The following SRGAP2B variants were observed in gnomAD, a reference collection of about 807,000 sequenced individuals.
The protein encoded by SRGAP2B is SLIT-ROBO Rho GTPase activating protein 2B, also known as SLIT-ROBO Rho GTPase-activating protein 2B.
In SRGAP2B, 9 loss-of-function variants were observed where a neutral mutation model predicts 22.2. The observed-to-expected ratio is 0.41, with a 90% CI of 0.24 to 0.71. The LOEUF (loss-of-function observed/expected upper bound fraction) is 0.71. SRGAP2B is among the 30% of genes least tolerant of loss of function. SRGAP2B has a pLI of 0.35. For missense variants in SRGAP2B, 114 were observed against 235.8 expected, an observed-to-expected ratio of 0.48 and a Z score of 3.38; for synonymous variants, 36 against 87.4, an observed-to-expected ratio of 0.41 and a Z score of 3.28.
intron 7 of SRGAP2B, among the ~76,000 whole-genome samples, chr1:144,902,697 G>A (rs1662723078): frequency 6.8e-6 from 1 of 146,138 alleles, no homozygotes; most frequent in South Asian, 2.2e-4. Flanking sequence ...GGGAGGCGGA[G>A]CTTGCAGTGA....
rs868938916 is a variant in SRGAP2B at position 144,931,733 on chromosome 1, G to A, written c.424-16979C>T. Among the ~76,000 whole-genome samples, 73 of 147,828 alleles carry A rather than the reference G, an allele frequency of 4.9e-4. 2 individuals carry two copies. In the South Asian group the frequency reaches 5.8e-3, roughly 12 times the overall value. ...CACCACGCACCCTGGCCACAGTGCA[G>A]ATGGAACTCAGCCAAGGGGTTACCC... On this transcript the variant is annotated intron_variant, in intron 4 of 9. Coordinates refer to ENST00000612199, the Ensembl canonical transcript of SRGAP2B.
At chr1:145,003,018 G>C (rs1671312138) in intron 2 of SRGAP2B, among the ~76,000 whole-genome samples, 1 of 151,834 alleles carries the variant, frequency 6.6e-6, no homozygotes, top group Non-Finnish European at 1.5e-5. Context: ...CACGAGGTCA[G>C]GAGTTTGAGA....
rs587662989 is a variant in SRGAP2B at position 144,970,215 on chromosome 1, T to C, written c.261-14614A>G. ...ATGCACACGTATGTTTATTGCGGCA[T>C]TATTCACAATAGCAAAGACTTGGAA... On this transcript the variant is annotated intron_variant, in intron 3 of 9. Coordinates refer to ENST00000612199, the Ensembl canonical transcript of SRGAP2B. Among the ~76,000 whole-genome samples the C allele has an allele frequency of 2.9e-3, 395 of 134,046 alleles. 6 individuals carry two copies. The highest frequency in any genetic ancestry group is 0.011 in the African/African-American group (355 of 32,730). The allele number at this position is 134,046 out of a possible 152,430, so 87.9% of individuals were successfully genotyped here.
At chr1:144,923,519 A>ACAGG (rs1664410074) in intron 4 of SRGAP2B, among the ~76,000 whole-genome samples, 1 of 149,048 alleles carries the variant, frequency 6.7e-6, no homozygotes, top group African/African-American at 2.6e-5. Context: ...ACAAAAGCAA[A>ACAGG]CAGGCAACAC....
At chr1:144,974,783 T>C in intron 3 of SRGAP2B, among the ~76,000 whole-genome samples, 1 of 146,964 alleles carries the variant, frequency 6.8e-6, no homozygotes, top group Middle Eastern at 3.4e-3. Flanking sequence ...CAGATCAACA[T>C]TATCCTAAGG....
intron 2 of SRGAP2B, among the ~76,000 whole-genome samples, chr1:145,088,369 T>C (rs1470528717): frequency 2.4e-5 from 3 of 122,486 alleles, no homozygotes; most frequent in Non-Finnish European, 5.1e-5. Flanking sequence ...AGGCCTGCAC[T>C]TTTTCTATCA....
intron 4 of SRGAP2B, among the ~76,000 whole-genome samples, chr1:144,925,610 C>T (rs1407746585): frequency 3.6e-5 from 5 of 137,492 alleles, no homozygotes; most frequent in Non-Finnish European, 7.6e-5. Context: ...CACTACTGCC[C>T]TCCAGCCTGG....
At chr1:145,017,268 G>T (rs1357967767) in intron 2 of SRGAP2B, among the ~76,000 whole-genome samples, 1 of 150,122 alleles carries the variant, frequency 6.7e-6, no homozygotes, top group Non-Finnish European at 1.5e-5. Context: ...ATTTTTTAAA[G>T]ATATGATAAA....
chr1:144,944,953 T>C (rs1553608176), intron 4 of SRGAP2B, among the ~76,000 whole-genome samples: 1 of 145,930 alleles, frequency 6.9e-6, no homozygotes, highest in African/African-American at 2.6e-5. Context: ...AGAGACGGGG[T>C]TTCACCATGT....
chr1:144,889,258 T>C (rs1411618969), exon 10 of SRGAP2B: 3 of 148,222 alleles, frequency 2.0e-5, no homozygotes, highest in Admixed American at 6.7e-5. Flanking sequence ...TCTGGCCTAT[T>C]TATTTTTTAA....
intron 3 of SRGAP2B, among the ~76,000 whole-genome samples, chr1:144,991,091 T>C (rs1231330920): frequency 6.6e-6 from 1 of 150,944 alleles, no homozygotes; most frequent in Non-Finnish European, 1.5e-5. Flanking sequence ...CGGGATCCAC[T>C]AGATGAAGCC....
intron 2 of SRGAP2B, among the ~76,000 whole-genome samples, chr1:145,018,146 T>TAATA (rs1218131260): frequency 8.0e-6 from 1 of 124,768 alleles, no homozygotes; most frequent in Non-Finnish European, 1.6e-5. Flanking sequence ...ATCAGTTCCA[T>TAATA]AATAAGCAAA....
intron 2 of SRGAP2B, among the ~76,000 whole-genome samples, chr1:145,006,032 G>A (rs1303632051): frequency 1.3e-5 from 2 of 150,776 alleles, no homozygotes; most frequent in Middle Eastern, 3.2e-3. Flanking sequence ...CTATTGCAAT[G>A]GCTGTTCCTG....
At chr1:144,940,664 G>A (rs1553607218) in intron 4 of SRGAP2B, among the ~76,000 whole-genome samples, 1 of 147,660 alleles carries the variant, frequency 6.8e-6, no homozygotes, top group Non-Finnish European at 1.5e-5. Flanking sequence ...TTAGCTGGAT[G>A]TGGTAGCCCA....
intron 3 of SRGAP2B, among the ~76,000 whole-genome samples, chr1:144,982,772 T>C (rs1669400969): frequency 6.7e-6 from 1 of 149,278 alleles, no homozygotes; most frequent in Admixed American, 6.7e-5. Flanking sequence ...ACTGAATTCT[T>C]TCTCTCTTCC....
At chr1:144,971,568 C>T (rs1240429286) in intron 3 of SRGAP2B, among the ~76,000 whole-genome samples, 1 of 150,974 alleles carries the variant, frequency 6.6e-6, no homozygotes, top group Non-Finnish European at 1.5e-5. Context: ...GTGCCAGGCT[C>T]ACAATTATGA....
intron 2 of SRGAP2B, among the ~76,000 whole-genome samples, chr1:145,025,756 A>G (rs1180242488): frequency 4.8e-5 from 6 of 124,494 alleles, no homozygotes; most frequent in Admixed American, 2.6e-4. Context: ...AGAAAGGCAT[A>G]TCGTTTTCCT....
At chr1:144,969,197 G>C (rs1553612814) in intron 3 of SRGAP2B, among the ~76,000 whole-genome samples, 2 of 127,346 alleles carry the variant, frequency 1.6e-5, no homozygotes, top group African/African-American at 6.8e-5. Flanking sequence ...TCAATCCTAA[G>C]GCAAAAGAAC....
At chr1:145,039,293 T>C (rs11800263) in intron 2 of SRGAP2B, among the ~76,000 whole-genome samples, 2 of 39,722 alleles carry the variant, frequency 5.0e-5, no homozygotes, top group African/African-American at 9.0e-5. Flanking sequence ...CTGGGGAACA[T>C]AGGGAGACCC....
Sources: allele counts gnomAD v4.1 joint callset (sites outside exome capture counted in the v4.1 genomes callset), GRCh38; gene constraint gnomAD v4.1.1; transcripts MANE v1.5; gene names NCBI Gene and HGNC (gene_info 2026-07-23, HGNC 2026-07-21).